Variants in CNTLN observed in about 807,000 individuals in gnomAD.
The protein encoded by CNTLN is centlein, centrosomal protein.
CNTLN carries 212 observed loss-of-function variants against 180.0 expected under a neutral mutation model. The ratio of observed to expected loss-of-function variants is 1.18; its 90% CI spans 1.05 to 1.32. The LOEUF is 1.32. CNTLN is among the 40% of genes most tolerant of loss of function. The pLI, the probability that CNTLN is intolerant of heterozygous loss-of-function variation, is 0.00. For missense variants in CNTLN, 2,095 were observed against 1,610.9 expected (o/e 1.30, Z -5.14); for synonymous variants, 722 against 563.1 (o/e 1.28, Z -3.99).
intron 7 of CNTLN, among the ~76,000 whole-genome samples, chr9:17,306,264 C>T (rs933361635): frequency 6.6e-6 from 1 of 151,722 alleles, no homozygotes; most frequent in African/African-American, 2.4e-5. Flanking sequence ...ATTCTCCTGC[C>T]TCAGCCTCCC....
At chr9:17,371,224 T>A (rs765355207) in intron 13 of CNTLN, among the ~76,000 whole-genome samples, 3 of 152,024 alleles carry the variant, frequency 2.0e-5, no homozygotes, top group African/African-American at 7.2e-5. Context: ...CTGTTGTATA[T>A]AAGAAACGCT....
intron 13 of CNTLN, among the ~76,000 whole-genome samples, chr9:17,371,143 T>A (rs1219383100): frequency 6.6e-6 from 1 of 152,128 alleles, no homozygotes; most frequent in African/African-American, 2.4e-5. Context: ...TCACATTGAA[T>A]GTGAATGGAC....
At chr9:17,524,296 T>G in the CNTLN span, among the ~76,000 whole-genome samples, 1 of 152,218 alleles carries the variant, frequency 6.6e-6, no homozygotes, top group African/African-American at 2.4e-5. Context: ...AGACCCAGGA[T>G]AACTGATGAT....
chr9:17,354,339 G>A (rs1351576144), intron 12 of CNTLN, among the ~76,000 whole-genome samples: 4 of 152,222 alleles, frequency 2.6e-5, no homozygotes, highest in African/African-American at 7.2e-5. Context: ...CACCGGGACT[G>A]GCAGGCAGCT....
intron 5 of CNTLN, among the ~76,000 whole-genome samples, chr9:17,243,904 G>T (rs979615433): frequency 6.6e-6 from 1 of 152,106 alleles, no homozygotes. Flanking sequence ...TGAAGGTGGG[G>T]TGTTGAAGCC....
intron 2 of CNTLN, among the ~76,000 whole-genome samples, chr9:17,208,538 T>C (rs904683892): frequency 1.3e-4 from 20 of 152,186 alleles, no homozygotes; most frequent in African/African-American, 4.6e-4. Context: ...TTAAATATGA[T>C]TGGTATTAGT....
chr9:17,466,271 C>T (rs11792200), intron 22 of CNTLN, among the ~76,000 whole-genome samples, 153 bp downstream of exon 22: 4,159 of 151,462 alleles, frequency 0.027, 87 homozygotes, highest in South Asian at 0.1. Context: ...CATGAAACGC[C>T]AAACATTGGT....
In CNTLN at chr9:17,487,057, T is replaced by C. The variant is rs767428977; in HGVS notation, c.4110T>C (p.Leu1370=). 4 of 1,602,300 alleles carry C rather than the reference T, an allele frequency of 2.5e-6. No homozygotes were observed. The South Asian group carries it at 3.3e-5, about 13-fold the overall frequency. The change falls in exon 25 of 26, where the codon CTT becomes CTC. Residue 1370 remains leucine, a synonymous_variant. Coordinates refer to ENST00000380647, the MANE Select transcript of CNTLN (RefSeq NM_017738.4). ...GGATGTTGTACATTCAGAAACTTCT[T>C]GAAGGACAGGTATTTCATTTTTCTG... ...KEWMLYIQKL[L]EGQLPFASYL...
At chr9:17,349,814 T>C (rs1043407834) in intron 12 of CNTLN, among the ~76,000 whole-genome samples, 1 of 152,212 alleles carries the variant, frequency 6.6e-6, no homozygotes, top group African/African-American at 2.4e-5. Context: ...CATGTGTTCA[T>C]TTATTCATTC....
rs1183778755 is a variant in CNTLN, at chr9:17,273,944, C to G, written c.983+78C>G. ...AGAATGATACCATTTATACTTATTA[C>G]TAACACCCTAAAATAATAACTATGT... On this transcript the variant is annotated intron_variant, in intron 6 of 25. Transcript: ENST00000380647. 24 of 1,042,576 alleles carry G rather than the reference C, an allele frequency of 2.3e-5. 1 individual carries two copies. The East Asian group carries it at 5.6e-4, about 25-fold the overall frequency. The allele number at this position is 1,042,576 out of a possible 1,614,324, so 64.6% of individuals were successfully genotyped here.
chr9:17,482,623 C>T lies in CNTLN; in HGVS notation c.3856-1672C>T, dbSNP rs372353902. Among the ~76,000 whole-genome samples the T allele has an allele frequency of 9.2e-5, 14 of 152,150 alleles. No individual in the cohort carries two copies. In the East Asian group the frequency reaches 2.7e-3, roughly 29 times the overall value. ...TGAATGTGAAATTCATATGGAAAAC[C>T]AAACAAGCAAGAACAGCAAGAAAAA... On this transcript the variant is annotated intron_variant, in intron 23 of 25. Coordinates refer to ENST00000380647, the MANE Select transcript of CNTLN (RefSeq NM_017738.4).
intron 10 of CNTLN, among the ~76,000 whole-genome samples, chr9:17,338,141 C>T (rs1290053327): frequency 2.1e-5 from 3 of 146,114 alleles, no homozygotes; most frequent in Non-Finnish European, 3.0e-5. Flanking sequence ...TCCTTCCTTC[C>T]TTCCTTCTTC....
At chr9:17,520,856 T>A in the CNTLN span, among the ~76,000 whole-genome samples, 10,172 of 152,224 alleles carry the variant, frequency 0.067, 930 homozygotes, top group African/African-American at 0.21. Context: ...CCCTGCCTTG[T>A]TGCCTTGGCG....
chr9:17,296,107 A>T (rs370106860), intron 6 of CNTLN, among the ~76,000 whole-genome samples: 20 of 151,044 alleles, frequency 1.3e-4, no homozygotes, highest in South Asian at 4.2e-4. Flanking sequence ...GGATCAAATG[A>T]TTCCTCTGCC....
intron 12 of CNTLN, among the ~76,000 whole-genome samples, chr9:17,345,861 T>G (rs967957361): frequency 6.6e-6 from 1 of 152,176 alleles, no homozygotes; most frequent in African/African-American, 2.4e-5. Flanking sequence ...TTATCCTTTC[T>G]ACTGTCCTCA....
At chr9:17,158,241 A>T (rs2131567419) in intron 2 of CNTLN, among the ~76,000 whole-genome samples, 1 of 152,268 alleles carries the variant, frequency 6.6e-6, no homozygotes, top group East Asian at 1.9e-4. Flanking sequence ...CATCTGTAGG[A>T]TAAATTCTTG....
intron 2 of CNTLN, among the ~76,000 whole-genome samples, chr9:17,209,610 C>T (rs539381079): frequency 5.9e-5 from 9 of 152,264 alleles, no homozygotes; most frequent in South Asian, 2.1e-4. Flanking sequence ...GTGTTAGGCA[C>T]CTATATAATT....
chr9:17,396,214 C>G (rs548911538), intron 15 of CNTLN, among the ~76,000 whole-genome samples: 2 of 152,300 alleles, frequency 1.3e-5, no homozygotes, highest in South Asian at 4.1e-4. Flanking sequence ...CTCAGGGCTA[C>G]TCTGTCTATG....
intron 5 of CNTLN, among the ~76,000 whole-genome samples, chr9:17,252,565 G>T (rs975498263): frequency 6.6e-6 from 1 of 151,498 alleles, no homozygotes; most frequent in Non-Finnish European, 1.5e-5. Flanking sequence ...GTCCATTTTT[G>T]TACATGTTAT....
Sources: allele counts gnomAD v4.1 joint callset (sites outside exome capture counted in the v4.1 genomes callset), GRCh38; gene constraint gnomAD v4.1.1; transcripts MANE v1.5; gene names NCBI Gene and HGNC (gene_info 2026-07-23, HGNC 2026-07-21).